The following TRIM24 variants were observed in gnomAD, a reference collection of about 807,000 sequenced individuals.
The protein encoded by TRIM24 is tripartite motif containing 24.
A neutral mutation model predicts 123.9 loss-of-function variants in TRIM24; 29 were observed. The ratio of observed to expected loss-of-function variants is 0.23; its 90% CI spans 0.17 to 0.32. TRIM24 has a LOEUF of 0.32. TRIM24 is among the 10% of genes least tolerant of loss of function. The probability of loss-of-function intolerance (pLI) is 1.00; values close to 1 mark genes in which losing one functional copy is unlikely to be tolerated. For synonymous variants in TRIM24, 456 were observed against 461.1 expected, an observed-to-expected ratio of 0.99 and a Z score of 0.14; for missense variants, 932 against 1,295.3, an observed-to-expected ratio of 0.72 and a Z score of 4.31.
Position 138,577,335 on chromosome 7 carries a change from A to G in TRIM24, c.2088-85A>G, listed in dbSNP as rs887679273. On this transcript the variant is annotated intron_variant, in intron 13 of 18. Coordinates refer to ENST00000343526, the MANE Select transcript of TRIM24 (RefSeq NM_015905.3). ...ATACTTATTGTTGTGAAGATACAGT[A>G]TTTTAGAAAGTTGTTGTTATACTTT... 4 of 1,124,208 alleles carry G rather than the reference A, an allele frequency of 3.6e-6. No homozygotes were observed. In the Admixed American group the frequency reaches 1.2e-4, roughly 32 times the overall value. The allele number at this position is 1,124,208 out of a possible 1,614,324, so 69.6% of individuals were successfully genotyped here.
chr7:138,557,289 A>T (rs1007673075), intron 9 of TRIM24, among the ~76,000 whole-genome samples: 2 of 152,150 alleles, frequency 1.3e-5, no homozygotes, highest in African/African-American at 4.8e-5. Flanking sequence ...TTTCGGCTTC[A>T]TTCCCCCCTT....
intron 10 of TRIM24, among the ~76,000 whole-genome samples, chr7:138,570,136 G>A (rs563339402): frequency 1.1e-4 from 16 of 151,940 alleles, no homozygotes; most frequent in Non-Finnish European, 2.4e-4. Flanking sequence ...TAGTAGAGAT[G>A]GAGTTTCACC....
chr7:138,568,418 T>C (rs1797584160), intron 10 of TRIM24, among the ~76,000 whole-genome samples: 2 of 126,358 alleles, frequency 1.6e-5, no homozygotes, highest in Non-Finnish European at 3.3e-5. Context: ...TTAAAGTCTC[T>C]CTCTGTCACT....
intron 17 of TRIM24, among the ~76,000 whole-genome samples, chr7:138,583,035 A>C: frequency 6.6e-6 from 1 of 152,198 alleles, no homozygotes; most frequent in African/African-American, 2.4e-5. Flanking sequence ...TTCTTAATAA[A>C]TATCATCTCA....
chr7:138,490,118 T>C (rs1002822887), intron 1 of TRIM24, among the ~76,000 whole-genome samples: 7 of 152,200 alleles, frequency 4.6e-5, no homozygotes, highest in African/African-American at 1.4e-4. Context: ...CAATCACTGA[T>C]ACCCTTTCTT....
At chr7:138,465,106 A>G (rs1054045047) in intron 1 of TRIM24, among the ~76,000 whole-genome samples, 4 of 152,270 alleles carry the variant, frequency 2.6e-5, no homozygotes, top group Non-Finnish European at 5.9e-5. Context: ...AAATAACAGC[A>G]GAAAAGTATA....
At chr7:138,534,085 G>T (rs189036292) in intron 6 of TRIM24, among the ~76,000 whole-genome samples, 1 of 151,638 alleles carries the variant, frequency 6.6e-6, no homozygotes, top group South Asian at 2.1e-4. Context: ...TTTTTATTGC[G>T]TCTGTTTGAT....
At chr7:138,469,312 A>G (rs1795218786) in intron 1 of TRIM24, among the ~76,000 whole-genome samples, 1 of 151,452 alleles carries the variant, frequency 6.6e-6, no homozygotes. Flanking sequence ...TCTGCAATGT[A>G]ACCTTGACCC....
intron 4 of TRIM24, among the ~76,000 whole-genome samples, chr7:138,521,580 G>A (rs1796504827): frequency 6.6e-6 from 1 of 152,156 alleles, no homozygotes; most frequent in South Asian, 2.1e-4. Flanking sequence ...TGAGACCTTG[G>A]TAAGTTGGTA....
intron 10 of TRIM24, among the ~76,000 whole-genome samples, chr7:138,569,524 T>C (rs886860803): frequency 3.3e-5 from 5 of 152,200 alleles, no homozygotes; most frequent in African/African-American, 1.2e-4. Context: ...CTCATTTGTA[T>C]GTGTGTTTTC....
intron 9 of TRIM24, among the ~76,000 whole-genome samples, chr7:138,564,496 CTT>C (rs1181871526): frequency 6.6e-6 from 1 of 152,202 alleles, no homozygotes; most frequent in Non-Finnish European, 1.5e-5. Context: ...CTTCCCATGA[CTT>C]TTTCTTTGTC....
At chr7:138,473,185 CAGG>C (rs1348483257) in intron 1 of TRIM24, among the ~76,000 whole-genome samples, 1 of 152,164 alleles carries the variant, frequency 6.6e-6, no homozygotes, top group Non-Finnish European at 1.5e-5. Context: ...GAGGCTGAGG[CAGG>C]AGAATTGCTT....
chr7:138,460,366 G>T lies in TRIM24; in HGVS notation c.-183G>T, dbSNP rs1377000275. The T allele has an allele frequency of 1.9e-6, 1 of 524,488 alleles. No individual in the cohort carries two copies. Among genetic ancestry groups the T allele is most frequent in the African/African-American group, 2.0e-5 (1 of 50,582 alleles). The allele number at this position is 524,488 out of a possible 1,614,324, so 32.5% of individuals were successfully genotyped here. ...ACCCTCCTTCCGGCCGCGCCACTCG[G>T]GAGGCGGATCCCGTGGGCCTGAGGA... On this transcript the variant is annotated 5_prime_UTR_variant, in exon 1 of 19. Transcript: ENST00000343526.
At chr7:138,513,704 G>T (rs1796336194) in intron 2 of TRIM24, among the ~76,000 whole-genome samples, 1 of 152,160 alleles carries the variant, frequency 6.6e-6, no homozygotes, top group Admixed American at 6.5e-5. Context: ...GGGGATTACA[G>T]TTCAGCATGA....
chr7:138,542,010 C>G (rs1357025300), intron 7 of TRIM24, among the ~76,000 whole-genome samples: 1 of 152,190 alleles, frequency 6.6e-6, no homozygotes, highest in Non-Finnish European at 1.5e-5. Context: ...GTTTTAGGAC[C>G]TTTCTCTGAA....
At chr7:138,464,723 G>A (rs1268601950) in intron 1 of TRIM24, among the ~76,000 whole-genome samples, 1 of 151,984 alleles carries the variant, frequency 6.6e-6, no homozygotes, top group African/African-American at 2.4e-5. Flanking sequence ...GGTTTGTTGA[G>A]GCCAAATATG....
Position 138,579,229 on chromosome 7 carries a change from C to A in TRIM24, c.2282C>A (p.Thr761Asn), listed in dbSNP as rs1487357206. ...GCCAATTATCCAAGAAGCATACTCA[C>A]CTCCCTGCTCTTAAATAGCAGTCAG... ...QNANYPRSILTSLLLNSSQSS... is the reference protein window; with the variant it reads ...QNANYPRSILNSLLLNSSQSS... The change falls in exon 15 of 19, where the codon ACC becomes AAC. Residue 761 changes from threonine to asparagine, a missense_variant. Thr to Asn is a moderately conservative substitution (Grantham distance 65, BLOSUM62 0). Transcript: ENST00000343526. The A allele has an allele frequency of 1.9e-6, 3 of 1,599,058 alleles. No homozygotes were observed. The South Asian group carries it at 3.4e-5, about 18-fold the overall frequency.
chr7:138,578,114 T>C (rs1658225625), intron 14 of TRIM24, among the ~76,000 whole-genome samples: 1 of 152,088 alleles, frequency 6.6e-6, no homozygotes, highest in Admixed American at 6.6e-5. Flanking sequence ...TTCAACAGTA[T>C]TGAGAATCTC....
At chr7:138,538,307 T>G (rs1331129971) in intron 6 of TRIM24, among the ~76,000 whole-genome samples, 2 of 152,222 alleles carry the variant, frequency 1.3e-5, no homozygotes. Flanking sequence ...CTTTATAGGT[T>G]TGCTGGACAG....
Sources: allele counts gnomAD v4.1 joint callset (sites outside exome capture counted in the v4.1 genomes callset), GRCh38; gene constraint gnomAD v4.1.1; transcripts MANE v1.5; gene names NCBI Gene and HGNC (gene_info 2026-07-23, HGNC 2026-07-21).